The following PSME4 variants were observed in gnomAD, a reference collection of about 807,000 sequenced individuals.
PSME4 encodes proteasome activator complex subunit 4.
PSME4 carries 89 observed loss-of-function variants against 253.9 expected under a neutral mutation model. The observed-to-expected ratio is 0.35, with a 90% CI of 0.30 to 0.42. PSME4 has a LOEUF of 0.42. Ranked by LOEUF, PSME4 falls within the 10% of genes least tolerant of loss-of-function variation. The pLI is 1.00. For missense variants in PSME4, 2,014 were observed against 2,195.2 expected (o/e 0.92, Z 1.65); for synonymous variants, 851 against 759.2 (o/e 1.12, Z -1.99).
intron 32 of PSME4, among the ~76,000 whole-genome samples, chr2:53,896,355 A>G (rs1680136758): frequency 6.6e-6 from 1 of 152,204 alleles, no homozygotes; most frequent in Non-Finnish European, 1.5e-5. Flanking sequence ...CATTGCATTA[A>G]AGGAAACTAA....
At chr2:53,869,291 C>A in intron 44 of PSME4, 85 bp downstream of exon 44, 1 of 1,326,114 alleles carries the variant, frequency 7.5e-7, no homozygotes, top group Non-Finnish European at 1.0e-6. Context: ...CACATACATA[C>A]AAGTTATTCA....
At chr2:53,919,500 C>G (rs1374486603) in intron 19 of PSME4, among the ~76,000 whole-genome samples, 1 of 152,168 alleles carries the variant, frequency 6.6e-6, no homozygotes, top group African/African-American at 2.4e-5. Flanking sequence ...TGTGAAACAA[C>G]TGTTAATTTA....
chr2:53,908,650 A>C (rs1048154300), intron 22 of PSME4, 85 bp from the exon 23 acceptor site: 16 of 1,492,284 alleles, frequency 1.1e-5, no homozygotes, highest in Admixed American at 2.2e-5. Flanking sequence ...GAATCTATTA[A>C]GAAAAAAAAT....
At chr2:53,885,089 C>T (rs1239186374) in intron 41 of PSME4, among the ~76,000 whole-genome samples, 1 of 152,114 alleles carries the variant, frequency 6.6e-6, no homozygotes, top group African/African-American at 2.4e-5. Context: ...TAACCACAGC[C>T]AACCATATCA....
chr2:53,938,920 C>A (rs1669250185), intron 4 of PSME4, among the ~76,000 whole-genome samples: 1 of 152,160 alleles, frequency 6.6e-6, no homozygotes, highest in Non-Finnish European at 1.5e-5. Context: ...TATCAAGGAT[C>A]AATTCTCCTT....
intron 13 of PSME4, 130 bp downstream of exon 13, chr2:53,925,829 C>T (rs1668533352): frequency 8.0e-7 from 1 of 1,253,538 alleles, no homozygotes; most frequent in Non-Finnish European, 1.1e-6. Context: ...ATCGATTATC[C>T]TTTTATAACT....
chr2:53,929,678 T>C (rs183158670), intron 10 of PSME4, among the ~76,000 whole-genome samples: 104 of 152,160 alleles, frequency 6.8e-4, no homozygotes, highest in East Asian at 1.4e-3. Flanking sequence ...TGTCTAAGAT[T>C]TTTTTCTACA....
chr2:53,937,298 A>G (rs1049952514), intron 5 of PSME4, 93 bp downstream of exon 5: 58 of 1,220,296 alleles, frequency 4.8e-5, no homozygotes, highest in Non-Finnish European at 6.4e-5. Context: ...TGAACTTGCA[A>G]AATGATTTTT....
intron 27 of PSME4, among the ~76,000 whole-genome samples, chr2:53,902,350 CTGATGACAGCAGGTATCCTT>C (rs1260728131): frequency 2.0e-5 from 3 of 152,134 alleles, no homozygotes; most frequent in African/African-American, 4.8e-5. Flanking sequence ...CACAATGATT[CTGATGACAGCAGGTATCCTT>C]TGATGACAGC....
intron 20 of PSME4, among the ~76,000 whole-genome samples, chr2:53,914,164 T>G (rs970555120): frequency 3.3e-5 from 5 of 152,206 alleles, no homozygotes; most frequent in Non-Finnish European, 7.4e-5. Flanking sequence ...AAATGACTCC[T>G]CTACCTTGAG....
At chr2:53,957,891 C>A (rs13398554) in intron 1 of PSME4, among the ~76,000 whole-genome samples, 1,647 of 152,174 alleles carry the variant, frequency 0.011, 25 homozygotes, top group African/African-American at 0.038. Context: ...ACACTTTGAG[C>A]TTACAAAAAC....
Position 53,906,603 on chromosome 2 carries a change from T to C in PSME4, c.2938A>G (p.Ser980Gly). 1.3e-6 allele frequency: 2 copies of C among 1,579,502 alleles called. No homozygotes were observed. The highest frequency in any genetic ancestry group is 1.7e-6 in the Non-Finnish European group (2 of 1,165,356). ...AGCGTTTGGATAAGCCTTACCTGACTGTATGAACTTGTAGATAAACGAAGA... is the reference window on the plus strand; with the variant it reads ...AGCGTTTGGATAAGCCTTACCTGACCGTATGAACTTGTAGATAAACGAAGA... ...DLLRLSTSSY[S>G]QVRNKAQQTF... The change falls in exon 26 of 47, where the codon AGT (serine) becomes GGT (glycine). Residue 980 changes from serine to glycine, a missense_variant. Ser to Gly is a moderately conservative substitution (Grantham distance 56, BLOSUM62 0). Transcript: ENST00000404125.
intron 34 of PSME4, 81 bp downstream of exon 34, chr2:53,894,926 A>G (rs1680075374): frequency 8.2e-7 from 1 of 1,218,152 alleles, no homozygotes; most frequent in Non-Finnish European, 1.2e-6. Flanking sequence ...AAAAAAGAAG[A>G]AGAAGAACTG....
At chr2:53,905,947 T>C (rs1217691399) in intron 26 of PSME4, among the ~76,000 whole-genome samples, 1 of 152,218 alleles carries the variant, frequency 6.6e-6, no homozygotes, top group Admixed American at 6.5e-5. Context: ...AAATCTGAAA[T>C]CTGTAACGCT....
chr2:53,925,477 A>C (rs1668521943), intron 14 of PSME4, 62 bp downstream of exon 14: 1 of 1,394,796 alleles, frequency 7.2e-7, no homozygotes, highest in Admixed American at 2.1e-5. Context: ...CTTGAAGTCA[A>C]TTTTAAAACA....
chr2:53,904,818 G>A (rs938679751), intron 26 of PSME4, among the ~76,000 whole-genome samples: 3 of 151,398 alleles, frequency 2.0e-5, no homozygotes, highest in Admixed American at 6.6e-5. Flanking sequence ...GTGAAACCCC[G>A]TCTCTACTAA....
intron 1 of PSME4, among the ~76,000 whole-genome samples, chr2:53,951,917 C>T (rs182709631): frequency 7.9e-5 from 12 of 152,148 alleles, no homozygotes; most frequent in Non-Finnish European, 1.6e-4. Context: ...ATCCTACACC[C>T]AAATATATTA....
At chr2:53,905,492 G>A (rs906917177) in intron 26 of PSME4, among the ~76,000 whole-genome samples, 1 of 152,122 alleles carries the variant, frequency 6.6e-6, no homozygotes, top group Non-Finnish European at 1.5e-5. Context: ...CTTGAGCCCA[G>A]GAGTTCGAGG....
At chr2:53,933,799 A>T (rs1367942943) in intron 8 of PSME4, among the ~76,000 whole-genome samples, 3 of 152,150 alleles carry the variant, frequency 2.0e-5, no homozygotes, top group Non-Finnish European at 1.5e-5. Context: ...AGCCCCCAAA[A>T]ATCCAGTTTC....
Sources: allele counts gnomAD v4.1 joint callset (sites outside exome capture counted in the v4.1 genomes callset), GRCh38; gene constraint gnomAD v4.1.1; transcripts MANE v1.5; gene names NCBI Gene and HGNC (gene_info 2026-07-23, HGNC 2026-07-21).